The following POLR3A variants were observed in gnomAD, a reference collection of about 807,000 sequenced individuals.
POLR3A encodes the protein DNA-directed RNA polymerase III subunit RPC1.
In POLR3A, 112 loss-of-function variants were observed where a neutral mutation model predicts 152.8. That is an observed-to-expected ratio of 0.73 (90% CI 0.63 to 0.86). The LOEUF is 0.86. Among genes scored for constraint, POLR3A ranks in the 40% least tolerant of loss-of-function variants. POLR3A has a pLI of 0.00. For synonymous variants in POLR3A, 615 were observed against 652.1 expected (o/e 0.94, Z 0.87); for missense variants, 1,385 against 1,743.1 (o/e 0.79, Z 3.66).
intron 15 of POLR3A, 85 bp from the exon 16 acceptor site, chr10:78,004,973 G>T: frequency 9.7e-7 from 1 of 1,030,018 alleles, no homozygotes; most frequent in Non-Finnish European, 1.5e-6. Context: ...GCTAGATATA[G>T]TTTGTACTAT....
Position 78,025,158 on chromosome 10 carries a change from C to A in POLR3A, c.319-16G>T. 6.2e-7 allele frequency: 1 copy of A among 1,613,778 alleles called. No homozygotes were observed. The highest frequency in any genetic ancestry group is 1.1e-5 in the South Asian group (1 of 91,076). ...TGCAGATCATCTTTTTCAAATTAAG[C>A]AAGACAGATAAAAGCATAAGTGAGA... On this transcript the variant is annotated splice_polypyrimidine_tract_variant and intron_variant, in intron 3 of 30. Transcript: ENST00000372371.
Position 77,985,103 on chromosome 10 carries a change from G to A in POLR3A, c.3242+67C>T, listed in dbSNP as rs79296850. 0.026 allele frequency: 33,127 copies of A among 1,285,422 alleles called. 527 individuals are homozygous for A. The highest frequency in any genetic ancestry group is 0.029 in the Non-Finnish European group (25,440 of 880,600). The allele number at this position is 1,285,422 out of a possible 1,614,324, so 79.6% of individuals were successfully genotyped here. On this transcript the variant is annotated intron_variant, in intron 24 of 30. Transcript: ENST00000372371. Reference sequence around the variant, plus strand: ...GATATCACACATATGCATGTGACACGGGGATCATTGTTTCTCAGGAAACAG... The same window carrying A: ...GATATCACACATATGCATGTGACACAGGGATCATTGTTTCTCAGGAAACAG...
At chr10:78,004,599 C>A (rs963498669) in intron 16 of POLR3A, 117 bp downstream of exon 16, 2 of 815,910 alleles carry the variant, frequency 2.5e-6, no homozygotes, top group Non-Finnish European at 4.1e-6. Flanking sequence ...GACGCCAATG[C>A]CTTGACTTGC....
chr10:77,987,631 T>C (rs1220198482), intron 21 of POLR3A, among the ~76,000 whole-genome samples: 1 of 152,132 alleles, frequency 6.6e-6, no homozygotes, highest in Non-Finnish European at 1.5e-5. Flanking sequence ...TAAAATCCTA[T>C]AAGGTATCCA....
At position 77,981,707 on chromosome 10, in the gene POLR3A, C is replaced by T. The variant is rs538372614; in HGVS notation, c.3760-148G>A. The T allele has an allele frequency of 1.1e-4, 108 of 954,466 alleles. 1 individual carries two copies. The South Asian group carries it at 1.4e-3, about 12-fold the overall frequency. The allele number at this position is 954,466 out of a possible 1,614,324, so 59.1% of individuals were successfully genotyped here. ...GCTGGGCAATTTTCAGTTGCAGACC[C>T]ACGGCAAATGGGATGGTCAGAGAAG... On this transcript the variant is annotated intron_variant, in intron 28 of 30. Transcript: ENST00000372371.
At chr10:78,002,456 C>A in intron 16 of POLR3A, 148 bp from the exon 17 acceptor site, 1 of 698,316 alleles carries the variant, frequency 1.4e-6, no homozygotes, top group South Asian at 1.6e-5. Context: ...CTTAGAGGAG[C>A]AAAATGCCCT....
Position 77,982,187 on chromosome 10 carries a change from C to G in POLR3A, c.3726G>C (p.Lys1242Asn). Reference sequence around the variant, plus strand: ...TGTTATTGGAGGTGGTTCGGGTGCCCTTCACACCGTGTGTGGCCATGACTG... The same window carrying G: ...TGTTATTGGAGGTGGTTCGGGTGCCGTTCACACCGTGTGTGGCCATGACTG... Reference protein sequence around the residue: ...LRAVMATHGVKGTRTTSNNTY... With the variant: ...LRAVMATHGVNGTRTTSNNTY... Residue 1242 changes from lysine to asparagine, a missense_variant, in exon 28 of 31, where the codon AAG (lysine) becomes AAC (asparagine). Around this residue, in one of 7 missense-constraint regions of POLR3A, gnomAD observed 332 missense variants for 400.1 expected, o/e 0.83. Transcript: ENST00000372371. 1 of 1,614,074 alleles carries G rather than the reference C, an allele frequency of 6.2e-7. No individual in the cohort carries two copies. The highest frequency in any genetic ancestry group is 8.5e-7 in the Non-Finnish European group (1 of 1,180,004).
chr10:77,994,748 T>C (rs1341303255), intron 19 of POLR3A, among the ~76,000 whole-genome samples: 1 of 152,148 alleles, frequency 6.6e-6, no homozygotes, highest in Non-Finnish European at 1.5e-5. Flanking sequence ...CAGGATGTTA[T>C]CCAGGAGAAC....
At chr10:78,010,886 C>T (rs2131950385) in intron 11 of POLR3A, among the ~76,000 whole-genome samples, 1 of 152,286 alleles carries the variant, frequency 6.6e-6, no homozygotes, top group South Asian at 2.1e-4. Context: ...GCTTATAGCC[C>T]AGGTTAGAGT....
At chr10:78,012,154 C>T (rs1291281057) in intron 11 of POLR3A, among the ~76,000 whole-genome samples, 1 of 152,120 alleles carries the variant, frequency 6.6e-6, no homozygotes, top group Non-Finnish European at 1.5e-5. Context: ...CACCTGAGGT[C>T]GGGAGTTCAA....
chr10:78,021,942 G>A lies in POLR3A; in HGVS notation c.966C>T (p.Asn322=), dbSNP rs1039619076. The A allele has an allele frequency of 6.2e-7, 1 of 1,614,172 alleles. No homozygotes were observed. Among genetic ancestry groups the A allele is most frequent in the Non-Finnish European group, 8.5e-7 (1 of 1,180,032 alleles). The change falls in exon 7 of 31, where the codon AAC becomes AAT. Residue 322 remains asparagine, a synonymous_variant. Transcript: ENST00000372371. Reference sequence around the variant, plus strand: ...TGAGGGGAATGCCCGAGAGCTCACTGTTAATGTAGAGGGCACACTGCAGCT... The same window carrying A: ...TGAGGGGAATGCCCGAGAGCTCACTATTAATGTAGAGGGCACACTGCAGCT... ...FLQLQCALYI[N]SELSGIPLNM... is the part of the protein sequence containing the mutation.
At chr10:77,995,468 C>T (rs570837195) in intron 19 of POLR3A, among the ~76,000 whole-genome samples, 1 of 152,234 alleles carries the variant, frequency 6.6e-6, no homozygotes, top group South Asian at 2.1e-4. Context: ...GGAGGAAGAT[C>T]TACTAAGCAA....
chr10:77,985,765 C>A (rs776325913), intron 23 of POLR3A, 138 bp downstream of exon 23: 6 of 735,032 alleles, frequency 8.2e-6, no homozygotes, highest in Non-Finnish European at 1.5e-5. Context: ...AGACCCCCTA[C>A]AGAAAATGTG....
chr10:78,019,369 GAGAA>G (rs1847555791), intron 8 of POLR3A, 104 bp from the exon 9 acceptor site: 2 of 864,364 alleles, frequency 2.3e-6, no homozygotes, highest in Non-Finnish European at 1.9e-6. Flanking sequence ...CAGATTCTAG[GAGAA>G]AGAGAGGCAT....
At chr10:78,019,839 A>G (rs1361312856) in intron 8 of POLR3A, 1 of 153,876 alleles carries the variant, frequency 6.5e-6, no homozygotes, top group Non-Finnish European at 1.4e-5. Context: ...TATTCTCGTT[A>G]GCAGGCCCTG....
In POLR3A at chr10:77,975,672, C is replaced by G. The variant is rs1365746577; in HGVS notation, c.*1806G>C. 1 of 152,342 alleles carries G rather than the reference C, an allele frequency of 6.6e-6. No homozygotes were observed. The highest frequency in any genetic ancestry group is 1.5e-5 in the Non-Finnish European group (1 of 68,122). 9.4% of individuals were successfully genotyped at this position (152,342 alleles called of 1,614,324 possible). A position where few individuals can be genotyped will look rare whatever the true frequency, so the allele number is the denominator to read the frequency against. ...GCCACAAGTTATAGCCACAACCTCT[C>G]TTCCATTTAAAGTGTGCGTCACCCG... On this transcript the variant is annotated 3_prime_UTR_variant, in exon 31 of 31. Coordinates refer to ENST00000372371, the MANE Select transcript of POLR3A (RefSeq NM_007055.4).
At position 77,982,811 on chromosome 10, in the gene POLR3A, C is replaced by T. The variant is rs41274600; in HGVS notation, c.3436G>A (p.Ala1146Thr). The stretch of plus-strand genomic sequence containing the variant: ...CAGATGGAATATCTCACTGTCTCAG[C>T]GTTCACCTGCAACATGGCCAGGTGT... Reference protein sequence around the residue: ...RIRLLRLEVNAETVRYSICTS... With the variant: ...RIRLLRLEVNTETVRYSICTS... The change falls in exon 27 of 31, where the codon GCT becomes ACT. Residue 1146 changes from alanine to threonine, a missense_variant. By Grantham distance (58) the Ala-to-Thr change is moderately conservative. Around this residue, in one of 7 missense-constraint regions of POLR3A, gnomAD observed 332 missense variants for 400.1 expected, o/e 0.83. Coordinates refer to ENST00000372371, the MANE Select transcript of POLR3A (RefSeq NM_007055.4). The T allele has an allele frequency of 1.1e-3, 1,698 of 1,613,928 alleles. 1 individual carries two copies. The highest frequency in any genetic ancestry group is 1.2e-3 in the Non-Finnish European group (1,460 of 1,179,850).
chr10:77,977,418 T>C lies in POLR3A; in HGVS notation c.*60A>G, dbSNP rs1156331078. On this transcript the variant is annotated 3_prime_UTR_variant, in exon 31 of 31. Coordinates refer to ENST00000372371, the MANE Select transcript of POLR3A (RefSeq NM_007055.4). ...GTCCCAGGGAGCACAAAACTCTTTA[T>C]ACATCAGCTGGAGACAGGACAAGGA... 7 of 1,581,450 alleles carry C rather than the reference T, an allele frequency of 4.4e-6. No homozygotes were observed. The highest frequency in any genetic ancestry group is 6.1e-6 in the Non-Finnish European group (7 of 1,151,308).
chr10:78,023,819 A>G (rs1847603598), intron 5 of POLR3A, among the ~76,000 whole-genome samples: 1 of 151,452 alleles, frequency 6.6e-6, no homozygotes, highest in Admixed American at 6.6e-5. Flanking sequence ...TAAAATAATA[A>G]TAAAAAAAAA....
Sources: allele counts gnomAD v4.1 joint callset (sites outside exome capture counted in the v4.1 genomes callset), GRCh38; gene constraint gnomAD v4.1.1; regional missense constraint gnomAD v4.1.1; transcripts MANE v1.5; gene names NCBI Gene and HGNC (gene_info 2026-07-23, HGNC 2026-07-21).